FSHR: variants seen among roughly 807,000 people sequenced by gnomAD.
The protein encoded by FSHR is follicle stimulating hormone receptor.
Under a neutral mutation model 52.1 loss-of-function variants are expected in FSHR, and 46 were observed. The ratio of observed to expected loss-of-function variants is 0.88; its 90% CI spans 0.70 to 1.13. The LOEUF (loss-of-function observed/expected upper bound fraction) is 1.13, where lower values mean the gene tolerates loss of function less well. Ranked by LOEUF, FSHR falls within the 50% of genes most tolerant of loss-of-function variation. The pLI, the probability that FSHR is intolerant of heterozygous loss-of-function variation, is 0.00. For synonymous variants in FSHR, 399 were observed against 309.6 expected (o/e 1.29, Z -3.03); for missense variants, 964 against 834.6 (o/e 1.16, Z -1.91).
chr2:49,106,793 C>A (rs1558444753), intron 1 of FSHR, among the ~76,000 whole-genome samples: 2 of 152,096 alleles, frequency 1.3e-5, no homozygotes, highest in African/African-American at 2.4e-5. Context: ...AGCTTCCTAA[C>A]CCCTGTACCG....
At chr2:49,011,438 T>G (rs1167076089) in intron 4 of FSHR, among the ~76,000 whole-genome samples, 2 of 152,158 alleles carry the variant, frequency 1.3e-5, no homozygotes, top group African/African-American at 4.8e-5. Flanking sequence ...TGAGGAGAGC[T>G]TGACTTCCAA....
At chr2:49,117,740 T>C (rs1342677587) in intron 1 of FSHR, among the ~76,000 whole-genome samples, 1 of 152,226 alleles carries the variant, frequency 6.6e-6, no homozygotes, top group Non-Finnish European at 1.5e-5. Context: ...TTTCCGTTTT[T>C]CAAATTTCTT....
At chr2:48,972,579 A>C (rs1674790699) in intron 8 of FSHR, among the ~76,000 whole-genome samples, 1 of 152,010 alleles carries the variant, frequency 6.6e-6, no homozygotes, top group Admixed American at 6.6e-5. Flanking sequence ...TCTGTTAGTG[A>C]CACTTGCCCT....
intron 6 of FSHR, among the ~76,000 whole-genome samples, chr2:48,986,734 G>C (rs746871483): frequency 2.6e-5 from 4 of 152,138 alleles, no homozygotes; most frequent in African/African-American, 4.8e-5. Flanking sequence ...TTGTAGCTTT[G>C]GGTTTGCAAA....
intron 1 of FSHR, among the ~76,000 whole-genome samples, chr2:49,089,421 C>A (rs79535995): frequency 0.039 from 5,864 of 152,116 alleles, 165 homozygotes; most frequent in Middle Eastern, 0.058. Flanking sequence ...AGAGCAAGTC[C>A]TGAATAAATA....
At chr2:49,042,936 A>C (rs932275835) in intron 2 of FSHR, among the ~76,000 whole-genome samples, 1 of 152,180 alleles carries the variant, frequency 6.6e-6, no homozygotes, top group Non-Finnish European at 1.5e-5. Flanking sequence ...TTTTATGCCT[A>C]ACATTGACAA....
chr2:49,144,348 G>T (rs1323693448), intron 1 of FSHR, among the ~76,000 whole-genome samples: 1 of 152,134 alleles, frequency 6.6e-6, no homozygotes, highest in East Asian at 1.9e-4. Context: ...TGCTTCCAGA[G>T]CCACTTTGTA....
intron 6 of FSHR, among the ~76,000 whole-genome samples, chr2:48,983,409 G>A (rs1038197459): frequency 6.6e-6 from 1 of 152,204 alleles, no homozygotes; most frequent in Non-Finnish European, 1.5e-5. Flanking sequence ...TGAAATTTAA[G>A]TTTGAAAGGC....
intron 1 of FSHR, among the ~76,000 whole-genome samples, chr2:49,088,818 G>A (rs72822025): frequency 0.052 from 7,894 of 151,178 alleles, 458 homozygotes; most frequent in East Asian, 0.22. Context: ...AAGTCACAAG[G>A]AAAGCTGATC....
At chr2:49,021,876 TATATATATATAGAGAG>T (rs1429716697) in intron 2 of FSHR, among the ~76,000 whole-genome samples, 171 of 65,164 alleles carry the variant, frequency 2.6e-3, no homozygotes, top group African/African-American at 0.011. Context: ...TATATATATA[TATATATATATAGAGAG>T]AGAGAGAGAG....
intron 4 of FSHR, among the ~76,000 whole-genome samples, chr2:49,016,386 T>C (rs537750952): frequency 1.3e-5 from 2 of 152,312 alleles, no homozygotes; most frequent in African/African-American, 4.8e-5. Flanking sequence ...GTTAATAGAA[T>C]GCATCAGAAG....
At chr2:49,138,351 G>C (rs1401105778) in intron 1 of FSHR, among the ~76,000 whole-genome samples, 1 of 152,052 alleles carries the variant, frequency 6.6e-6, no homozygotes, top group Non-Finnish European at 1.5e-5. Flanking sequence ...TGCACTCCTA[G>C]GTATACACCA....
At chr2:49,112,326 A>G (rs560981249) in intron 1 of FSHR, among the ~76,000 whole-genome samples, 1 of 152,300 alleles carries the variant, frequency 6.6e-6, no homozygotes, top group South Asian at 2.1e-4. Flanking sequence ...ACAATAGAAT[A>G]CACACACAAT....
intron 1 of FSHR, among the ~76,000 whole-genome samples, chr2:49,096,857 C>G (rs1396427878): frequency 6.6e-6 from 1 of 152,118 alleles, no homozygotes; most frequent in Non-Finnish European, 1.5e-5. Context: ...TGAGATCTGA[C>G]TGTCTAAAGG....
In FSHR at chr2:48,985,697, G is replaced by GTTTTTTTTTTT. The variant is rs70946839; in HGVS notation, c.525-2542_525-2532dup. The stretch of plus-strand genomic sequence containing the variant: ...TTCAGTTTCAGGGGAGCAAGTACAG[G>GTTTTTTTTTTT]TTTTTTTTTTTTTTTTTTTTTTTTT... On this transcript the variant is annotated intron_variant, in intron 6 of 9. Transcript: ENST00000406846. Among the ~76,000 whole-genome samples the GTTTTTTTTTTT allele has an allele frequency of 1.3e-4, 13 of 99,538 alleles. 5 individuals carry two copies. The highest frequency in any genetic ancestry group is 3.8e-4 in the African/African-American group (9 of 23,878). The allele number at this position is 99,538 out of a possible 152,430, so 65.3% of individuals were successfully genotyped here. A position where few individuals can be genotyped will look rare whatever the true frequency, so the allele number is the denominator to read the frequency against.
At chr2:49,060,807 T>A (rs1669261310) in intron 2 of FSHR, among the ~76,000 whole-genome samples, 1 of 152,130 alleles carries the variant, frequency 6.6e-6, no homozygotes, top group Non-Finnish European at 1.5e-5. Context: ...GTCATCCATG[T>A]ACCCACTCCC....
Position 49,076,415 on chromosome 2 carries a change from C to T in FSHR, c.153-8125G>A, listed in dbSNP as rs146789587. ...AGATGTCATGAGACTTAGTCACTAT[C>T]GTGAAAACAGCACGGGAAAAACCCG... On this transcript the variant is annotated intron_variant, in intron 1 of 9. Coordinates refer to ENST00000406846, the MANE Select transcript of FSHR (RefSeq NM_000145.4). Among the ~76,000 whole-genome samples the T allele has an allele frequency of 4.5e-4, 68 of 152,194 alleles. 1 individual carries two copies. The East Asian group carries it at 0.011, about 24-fold the overall frequency.
At chr2:49,140,567 G>A (rs1033448450) in intron 1 of FSHR, among the ~76,000 whole-genome samples, 3 of 151,950 alleles carry the variant, frequency 2.0e-5, no homozygotes, top group African/African-American at 4.8e-5. Context: ...AGGCATGATG[G>A]TGCGTGCCTG....
At chr2:49,147,470 C>T (rs182655823) in intron 1 of FSHR, among the ~76,000 whole-genome samples, 17 of 152,162 alleles carry the variant, frequency 1.1e-4, no homozygotes, top group Non-Finnish European at 2.5e-4. Context: ...GCATAGGCTT[C>T]TTAGAGTAGA....
Sources: allele counts gnomAD v4.1 joint callset (sites outside exome capture counted in the v4.1 genomes callset), GRCh38; gene constraint gnomAD v4.1.1; transcripts MANE v1.5; gene names NCBI Gene and HGNC (gene_info 2026-07-23, HGNC 2026-07-21).